The following SRP54 variants were observed in gnomAD, a reference collection of about 807,000 sequenced individuals.
SRP54 encodes the protein signal recognition particle subunit SRP54.
A neutral mutation model predicts 64.8 loss-of-function variants in SRP54; 10 were observed. That is an observed-to-expected ratio of 0.15 (90% CI 0.10 to 0.26). The LOEUF (loss-of-function observed/expected upper bound fraction) is 0.26, where lower values mean the gene tolerates loss of function less well. Among genes scored for constraint, SRP54 ranks in the 10% least tolerant of loss-of-function variants. The pLI is 1.00. For missense variants in SRP54, 325 were observed against 613.7 expected (o/e 0.53, Z 4.97); for synonymous variants, 193 against 185.6 (o/e 1.04, Z -0.32).
At chr14:34,988,610 A>ATAACATATATATAACATAT (rs2043940112) in intron 1 of SRP54, among the ~76,000 whole-genome samples, 2 of 138,474 alleles carry the variant, frequency 1.4e-5, no homozygotes, top group African/African-American at 5.2e-5. Context: ...ATATATATAT[A>ATAACATATATATAACATAT]ATGTATATAT....
chr14:34,992,793 T>G (rs780029683), intron 1 of SRP54, among the ~76,000 whole-genome samples: 2 of 152,032 alleles, frequency 1.3e-5, no homozygotes, highest in African/African-American at 2.4e-5. Context: ...CTAAAATAAA[T>G]TAATTAAAAA....
chr14:35,013,617 G>T, intron 9 of SRP54, 123 bp downstream of exon 9: 1 of 1,270,282 alleles, frequency 7.9e-7, no homozygotes. Context: ...GGTTTATAAA[G>T]AAAGTTTAAA....
At chr14:34,987,273 G>GTA in intron 1 of SRP54, among the ~76,000 whole-genome samples, 2 of 104,578 alleles carry the variant, frequency 1.9e-5, no homozygotes, top group Non-Finnish European at 4.5e-5. Flanking sequence ...GTGTGTGTGT[G>GTA]TGTATATATA....
intron 15 of SRP54, 105 bp from the exon 16 acceptor site, chr14:35,028,956 G>A: frequency 1.1e-6 from 1 of 870,684 alleles, no homozygotes; most frequent in South Asian, 1.7e-5. Context: ...ATTGCAATCA[G>A]AATTCAGTAT....
intron 14 of SRP54, among the ~76,000 whole-genome samples, chr14:35,025,704 T>A (rs988889715): frequency 1.3e-5 from 2 of 152,338 alleles, no homozygotes; most frequent in African/African-American, 4.8e-5. Context: ...AATTCCCATC[T>A]TCTTCAGATT....
chr14:35,000,753 T>C (rs945075879), intron 3 of SRP54, among the ~76,000 whole-genome samples, 183 bp from the exon 4 acceptor site: 1 of 152,174 alleles, frequency 6.6e-6, no homozygotes, highest in Non-Finnish European at 1.5e-5. Flanking sequence ...ATCTAATACT[T>C]CATGGGAAAA....
rs190612441 is a variant in SRP54, at chr14:35,013,636, A to G, written c.785+142A>G. On this transcript the variant is annotated intron_variant, in intron 9 of 15. Coordinates refer to ENST00000216774, the MANE Select transcript of SRP54 (RefSeq NM_003136.4). ...TATAAAGAAAGTTTAAATAGAAACA[A>G]TTTTGGAGCCTGTCTGATATAGGTC... The G allele has an allele frequency of 1.2e-3, 1,364 of 1,171,130 alleles. 11 individuals are homozygous for G. The Middle Eastern group carries it at 0.021, about 18-fold the overall frequency. The allele number at this position is 1,171,130 out of a possible 1,614,324, so 72.5% of individuals were successfully genotyped here.
At chr14:35,010,539 G>T (rs1246735734) in intron 7 of SRP54, among the ~76,000 whole-genome samples, 2 of 152,038 alleles carry the variant, frequency 1.3e-5, no homozygotes, top group African/African-American at 2.4e-5. Context: ...GGCCAAGGCG[G>T]GCATATCATG....
chr14:34,995,188 T>TGTGTGTGTGG (rs1555353238), intron 1 of SRP54, among the ~76,000 whole-genome samples: 3 of 79,888 alleles, frequency 3.8e-5, no homozygotes, highest in South Asian at 4.0e-4. Flanking sequence ...TGTGTGTGTG[T>TGTGTGTGTGG]AGAGAGAGAG....
chr14:34,986,296 C>T (rs934989537), intron 1 of SRP54, among the ~76,000 whole-genome samples: 1 of 152,132 alleles, frequency 6.6e-6, no homozygotes, highest in South Asian at 2.1e-4. Flanking sequence ...TAAGTTAAGA[C>T]AGAGGTGGTA....
intron 7 of SRP54, among the ~76,000 whole-genome samples, chr14:35,010,477 A>G (rs2044338732): frequency 1.3e-5 from 2 of 151,958 alleles, no homozygotes; most frequent in South Asian, 4.1e-4. Flanking sequence ...TTTAAAAAAG[A>G]AATTGGAGGC....
chr14:34,993,693 ATTAAT>A (rs2044019330), intron 1 of SRP54, among the ~76,000 whole-genome samples: 1 of 151,704 alleles, frequency 6.6e-6, no homozygotes, highest in Admixed American at 6.6e-5. Context: ...AAATTAATTA[ATTAAT>A]TTATTTATTT....
chr14:35,012,621 T>C (rs2044373136), intron 8 of SRP54, among the ~76,000 whole-genome samples: 2 of 152,220 alleles, frequency 1.3e-5, no homozygotes, highest in Admixed American at 1.3e-4. Context: ...TGCCATTCTT[T>C]CAAATCTTTG....
At chr14:35,012,824 GGACA>G (rs1232898770) in intron 8 of SRP54, among the ~76,000 whole-genome samples, 1 of 151,826 alleles carries the variant, frequency 6.6e-6, no homozygotes. Flanking sequence ...AAGTTTCTTA[GGACA>G]AATATTTTCT....
chr14:35,025,865 C>T (rs1269151487), intron 14 of SRP54, among the ~76,000 whole-genome samples: 1 of 152,038 alleles, frequency 6.6e-6, no homozygotes, highest in East Asian at 1.9e-4. Context: ...ATAAATGCTT[C>T]TGAGAAGTAC....
At chr14:35,002,074 G>T (rs1165872960) in intron 4 of SRP54, among the ~76,000 whole-genome samples, 1 of 151,976 alleles carries the variant, frequency 6.6e-6, no homozygotes, top group African/African-American at 2.4e-5. Flanking sequence ...GCTGGTGCAG[G>T]CCGGGTGCAG....
chr14:35,007,806 A>ATATCT (rs71435842), intron 5 of SRP54, among the ~76,000 whole-genome samples: 43,212 of 123,878 alleles, frequency 0.35, 10,453 homozygotes, highest in East Asian at 0.71. Flanking sequence ...ACATATTAAG[A>ATATCT]TATAAAGCCA....
intron 1 of SRP54, among the ~76,000 whole-genome samples, chr14:34,987,205 TGGGTGACA>T (rs1399165743): frequency 1.4e-5 from 2 of 142,328 alleles, no homozygotes; most frequent in Non-Finnish European, 3.0e-5. Flanking sequence ...CACTCTAGCC[TGGGTGACA>T]GAGAGACACT....
chr14:35,027,359 C>T (rs1271299426), intron 14 of SRP54, among the ~76,000 whole-genome samples: 2 of 151,784 alleles, frequency 1.3e-5, no homozygotes, highest in Non-Finnish European at 2.9e-5. Context: ...TATTCATCTA[C>T]CAGCCATCCA....
Sources: gnomAD v4.1 joint callset for allele counts (sites outside exome capture counted in the v4.1 genomes callset) on GRCh38, gnomAD v4.1.1 for gene constraint, MANE v1.5 for transcripts, NCBI Gene and HGNC (gene_info 2026-07-23, HGNC 2026-07-21) for gene names.